The following PPP3R1 variants were observed in gnomAD, a reference collection of about 807,000 sequenced individuals.
PPP3R1 encodes the protein protein phosphatase 3 regulatory subunit B, alpha, also known as calcineurin subunit B type 1.
In PPP3R1, 5 loss-of-function variants were observed where a neutral mutation model predicts 22.6. The observed-to-expected ratio is 0.22, with a 90% confidence interval of 0.12 to 0.46. PPP3R1 has a LOEUF of 0.46. Ranked by LOEUF, PPP3R1 falls within the 20% of genes least tolerant of loss-of-function variation. The pLI, the probability that PPP3R1 is intolerant of heterozygous loss-of-function variation, is 0.99. For synonymous variants in PPP3R1, 56 were observed against 65.2 expected (o/e 0.86, Z 0.68); for missense variants, 61 against 203.2 (o/e 0.30, Z 4.25).
chr2:68,190,770 C>A (rs1674650568), intron 2 of PPP3R1, among the ~76,000 whole-genome samples: 2 of 152,138 alleles, frequency 1.3e-5, no homozygotes, highest in South Asian at 4.1e-4. Flanking sequence ...CCCTCACCCC[C>A]ACAACTATTA....
At position 68,235,865 on chromosome 2, in the gene PPP3R1, T is replaced by G. The variant is rs531859624; in HGVS notation, c.3+16260A>C. On this transcript the variant is annotated intron_variant, in intron 1 of 5. Transcript: ENST00000234310. ...ACATCCTTGACAATACTTATCAGTC[T>G]TTTTTGATTATAACAATCCTAGTGG... Among the ~76,000 whole-genome samples the G allele has an allele frequency of 3.9e-5, 6 of 152,308 alleles. No homozygotes were observed. The East Asian group carries it at 1.2e-3, about 29-fold the overall frequency.
chr2:68,199,848 ATGATTTTT>A (rs1197346845), intron 2 of PPP3R1, among the ~76,000 whole-genome samples: 1 of 152,178 alleles, frequency 6.6e-6, no homozygotes, highest in Non-Finnish European at 1.5e-5. Flanking sequence ...CAAATACTAA[ATGATTTTT>A]TGCACATATA....
chr2:68,186,491 T>C lies in PPP3R1; in HGVS notation c.442A>G (p.Ile148Val). The C allele has an allele frequency of 6.2e-7, 1 of 1,613,044 alleles. No individual in the cohort carries two copies. Among genetic ancestry groups the C allele is most frequent in the Non-Finnish European group, 8.5e-7 (1 of 1,179,252 alleles). ...INADKDGDGRISFEEFCAVVG... is the reference protein window; with the variant it reads ...INADKDGDGRVSFEEFCAVVG... The stretch of plus-strand genomic sequence containing the variant: ...ACAGCACAGAATTCTTCAAAGGATA[T>C]TCTTCCATCTCCATCCTTATCTGCA... The change falls in exon 5 of 6, where the codon ATA becomes GTA. Residue 148 changes from isoleucine (I) to valine (V), a missense_variant. By Grantham distance (29) the Ile-to-Val change is conservative. Coordinates refer to ENST00000234310, the MANE Select transcript of PPP3R1 (RefSeq NM_000945.4).
At chr2:68,192,111 C>T (rs1674679264) in intron 2 of PPP3R1, among the ~76,000 whole-genome samples, 1 of 152,154 alleles carries the variant, frequency 6.6e-6, no homozygotes, top group Admixed American at 6.5e-5. Flanking sequence ...TTTAAAACTA[C>T]TAGCTAACCA....
intron 1 of PPP3R1, among the ~76,000 whole-genome samples, chr2:68,242,373 C>A (rs970267588): frequency 1.3e-5 from 2 of 151,630 alleles, no homozygotes; most frequent in Admixed American, 1.3e-4. Context: ...TAGCGGTGAG[C>A]CAAGATTGCG....
chr2:68,240,406 T>C (rs1428418017), intron 1 of PPP3R1, among the ~76,000 whole-genome samples: 1 of 152,206 alleles, frequency 6.6e-6, no homozygotes, highest in African/African-American at 2.4e-5. Flanking sequence ...TAAATTGAAC[T>C]TGTATGAAGA....
intron 1 of PPP3R1, among the ~76,000 whole-genome samples, chr2:68,249,623 T>C (rs1670302415): frequency 6.6e-6 from 1 of 151,950 alleles, no homozygotes; most frequent in Non-Finnish European, 1.5e-5. Context: ...AGGAGCTCAC[T>C]ATTTACAAGA....
intron 1 of PPP3R1, among the ~76,000 whole-genome samples, chr2:68,233,856 A>G (rs575198474): frequency 6.6e-5 from 10 of 152,318 alleles, no homozygotes; most frequent in Admixed American, 2.6e-4. Flanking sequence ...AAACTAATGG[A>G]TCTAGAAAGT....
intron 2 of PPP3R1, among the ~76,000 whole-genome samples, chr2:68,195,302 TC>T (rs1434171573): frequency 3.3e-5 from 5 of 152,132 alleles, no homozygotes; most frequent in Non-Finnish European, 5.9e-5. Flanking sequence ...CTTCCTGTTT[TC>T]TCATGATTAG....
At chr2:68,204,440 T>A (rs928517319) in intron 2 of PPP3R1, among the ~76,000 whole-genome samples, 3 of 151,874 alleles carry the variant, frequency 2.0e-5, no homozygotes, top group Non-Finnish European at 2.9e-5. Flanking sequence ...ATTAATTTTG[T>A]AAGATTTACT....
At chr2:68,208,627 CT>C (rs1669386162) in intron 2 of PPP3R1, among the ~76,000 whole-genome samples, 2 of 152,058 alleles carry the variant, frequency 1.3e-5, no homozygotes, top group South Asian at 2.1e-4. Flanking sequence ...TCATATGATC[CT>C]AATTATATTA....
chr2:68,197,578 G>T (rs1284359449), intron 2 of PPP3R1, among the ~76,000 whole-genome samples: 4 of 151,986 alleles, frequency 2.6e-5, no homozygotes, highest in Non-Finnish European at 5.9e-5. Flanking sequence ...TCTCCCATCA[G>T]CAATATATGA....
intron 2 of PPP3R1, among the ~76,000 whole-genome samples, chr2:68,205,469 C>G (rs1206226260): frequency 6.6e-6 from 1 of 152,066 alleles, no homozygotes. Context: ...GTCTCGAACT[C>G]AGGTGATCCA....
chr2:68,211,566 T>C (rs895327987), intron 2 of PPP3R1, among the ~76,000 whole-genome samples: 6 of 152,176 alleles, frequency 3.9e-5, no homozygotes, highest in South Asian at 2.1e-4. Context: ...AAGACAGCAA[T>C]AAAGTTTTGC....
intron 2 of PPP3R1, among the ~76,000 whole-genome samples, chr2:68,188,985 C>T (rs78710531): frequency 2.4e-3 from 367 of 152,158 alleles, no homozygotes; most frequent in Admixed American, 4.2e-3. Context: ...TATTCCAGGC[C>T]GGATAATGCT....
chr2:68,201,304 T>A lies in PPP3R1; in HGVS notation c.44-12614A>T, dbSNP rs376343830. On this transcript the variant is annotated intron_variant, in intron 2 of 5. Coordinates refer to ENST00000234310, the MANE Select transcript of PPP3R1 (RefSeq NM_000945.4). ...CAAAAGAATGCATATTTAAGAGTCT[T>A]CTTTTACTTTCAGCCTCCATTATTC... Among the ~76,000 whole-genome samples the A allele has an allele frequency of 9.4e-4, 143 of 152,330 alleles. 2 individuals are homozygous for A. In the East Asian group the frequency reaches 0.015, roughly 16 times the overall value.
chr2:68,222,940 T>C (rs2103779750), intron 1 of PPP3R1, among the ~76,000 whole-genome samples: 1 of 152,214 alleles, frequency 6.6e-6, no homozygotes, highest in East Asian at 1.9e-4. Context: ...AATTATACAT[T>C]TCATAATGCT....
rs932826446 is a variant in PPP3R1 at position 68,181,380 on chromosome 2, G to A, written c.466-370C>T. On this transcript the variant is annotated intron_variant, in intron 5 of 5. Coordinates refer to ENST00000234310, the MANE Select transcript of PPP3R1 (RefSeq NM_000945.4). ...TGCACTCCAGACTGGGCAACAGAGC[G>A]AGACTCCATCTCAAAAAAAAAAAAA... Among the ~76,000 whole-genome samples the A allele has an allele frequency of 5.6e-5, 8 of 141,974 alleles. 1 individual carries two copies. The highest frequency in any genetic ancestry group is 1.1e-4 in the African/African-American group (4 of 37,428). 93.1% of individuals were successfully genotyped at this position (141,974 alleles called of 152,430 possible).
intron 5 of PPP3R1, among the ~76,000 whole-genome samples, chr2:68,184,442 C>G (rs571062248): frequency 2.6e-5 from 4 of 152,164 alleles, no homozygotes; most frequent in Non-Finnish European, 4.4e-5. Flanking sequence ...CTTGTGAGTA[C>G]ATAACCCTTT....
Sources: allele counts gnomAD v4.1 joint callset (sites outside exome capture counted in the v4.1 genomes callset), GRCh38; gene constraint gnomAD v4.1.1; transcripts MANE v1.5; gene names NCBI Gene and HGNC (gene_info 2026-07-23, HGNC 2026-07-21).